Variants in NDRG2 observed in about 807,000 individuals in gnomAD.
NDRG2 encodes protein NDRG2.
Under a neutral mutation model 58.2 loss-of-function variants are expected in NDRG2, and 34 were observed. The ratio of observed to expected loss-of-function variants is 0.58; its 90% CI spans 0.44 to 0.78. The LOEUF (loss-of-function observed/expected upper bound fraction) is 0.78, where lower values mean the gene tolerates loss of function less well. NDRG2 is among the 30% of genes least tolerant of loss of function. The pLI is 0.00. For missense variants in NDRG2, 434 were observed against 471.2 expected (o/e 0.92, Z 0.73); for synonymous variants, 187 against 175.9 (o/e 1.06, Z -0.50).
chr14:21,065,515 GGTGA>G (rs1886216179), intron 1 of NDRG2, among the ~76,000 whole-genome samples: 1 of 152,196 alleles, frequency 6.6e-6, no homozygotes, highest in Admixed American at 6.5e-5. Context: ...GTGGTAGAAA[GGTGA>G]GTCTATTATG....
At chr14:21,021,413 C>T (rs1880223968) in intron 6 of NDRG2, 1 of 315,346 alleles carries the variant, frequency 3.2e-6, no homozygotes, top group East Asian at 8.0e-5. Flanking sequence ...TCTTCCTTCC[C>T]CAACTCTCTC....
At chr14:21,030,253 C>G, upstream of NDRG2, 2 of 268,506 alleles carry the variant, frequency 7.4e-6, no homozygotes, top group Non-Finnish European at 7.2e-6. Flanking sequence ...TATCTGCACA[C>G]ACTTAAATAC....
chr14:21,040,678 C>T (rs1289471522), intron 1 of NDRG2, among the ~76,000 whole-genome samples: 1 of 152,220 alleles, frequency 6.6e-6, no homozygotes, highest in East Asian at 1.9e-4. Context: ...ACTGGACACA[C>T]TGCTGTTCCT....
At position 21,070,859 on chromosome 14, in the gene NDRG2, C is replaced by T. The variant is rs1030684106; in HGVS notation, c.-8G>A. On this transcript the variant is annotated 5_prime_UTR_variant, in exon 1 of 15. Transcript: ENST00000403829. The surrounding 1 kb of genome is among the most constrained non-coding windows in gnomAD (Gnocchi z 4.7). ...GGAACCACCATTTTCCATCCCTGTC[C>T]CCAACCCGGTGAGGCAGGCCCACCC... The T allele has an allele frequency of 1.1e-5, 17 of 1,535,650 alleles. No homozygotes were observed. The highest frequency in any genetic ancestry group is 1.5e-5 in the Non-Finnish European group (17 of 1,146,860).
intron 1 of NDRG2, among the ~76,000 whole-genome samples, chr14:21,061,366 G>C (rs573825770): frequency 1.3e-5 from 2 of 152,168 alleles, no homozygotes; most frequent in South Asian, 2.1e-4. Flanking sequence ...CCAAACAAGT[G>C]GGGGTAGCAA....
upstream of NDRG2, chr14:21,030,427 G>A: frequency 1.3e-6 from 1 of 746,704 alleles, no homozygotes; most frequent in East Asian, 2.7e-5. Flanking sequence ...AGCTGGGAGG[G>A]AGAAAGGAGA....
chr14:21,051,305 G>A (rs1421303380), intron 1 of NDRG2, among the ~76,000 whole-genome samples: 10 of 152,170 alleles, frequency 6.6e-5, no homozygotes, highest in South Asian at 2.1e-4. Flanking sequence ...TAGACATAGA[G>A]CACTTGGAAC....
rs1020794918 is a variant in NDRG2, at chr14:21,045,129, C to T, written c.25-21808G>A. Reference sequence around the variant, plus strand: ...TCTTTGGAAAACACGCAGACCAAGGCAAATACCCCCACTAAGGTCTCCCGA... The same window carrying T: ...TCTTTGGAAAACACGCAGACCAAGGTAAATACCCCCACTAAGGTCTCCCGA... On this transcript the variant is annotated intron_variant, in intron 1 of 14. Transcript: ENST00000403829. Among the ~76,000 whole-genome samples, 7 of 152,148 alleles carry T rather than the reference C, an allele frequency of 4.6e-5. 1 individual carries two copies. The highest frequency in any genetic ancestry group is 4.6e-4 in the Admixed American group (7 of 15,276).
chr14:21,024,219 C>T lies in NDRG2; in HGVS notation c.-196G>A, dbSNP rs1882484299. ...TCAACCTCCTCGGGTCACTAACCCT[C>T]CCCAGTGTCTGTCTACCCCTAAGTC... On this transcript the variant is annotated 5_prime_UTR_variant, in exon 1 of 16. Transcript: ENST00000556147. The T allele has an allele frequency of 2.0e-6, 2 of 985,400 alleles. No homozygotes were observed. Among genetic ancestry groups the T allele is most frequent in the South Asian group, 4.7e-5 (1 of 21,290 alleles). 61.0% of individuals were successfully genotyped at this position (985,400 alleles called of 1,614,324 possible). A position where few individuals can be genotyped will look rare whatever the true frequency, so the allele number is the denominator to read the frequency against.
At chr14:21,031,305 G>C in intron 1 of NDRG2, 2 of 1,185,752 alleles carry the variant, frequency 1.7e-6, no homozygotes, top group Non-Finnish European at 2.3e-6. Context: ...CATTCCAGAA[G>C]TCAGGAAAAT....
At chr14:21,020,005 C>T (rs1043118376) in intron 8 of NDRG2, 29 bp from the exon 9 acceptor site, 48 of 1,607,884 alleles carry the variant, frequency 3.0e-5, no homozygotes, top group African/African-American at 6.7e-5. Context: ...TGAGAAAGTT[C>T]AGGGTATTGG....
At chr14:21,049,824 G>T (rs888751728) in intron 1 of NDRG2, among the ~76,000 whole-genome samples, 1 of 151,274 alleles carries the variant, frequency 6.6e-6, no homozygotes, top group Non-Finnish European at 1.5e-5. Flanking sequence ...GAGTGCAGTG[G>T]CACGATCTCG....
intron 1 of NDRG2, chr14:21,044,352 A>G (rs1885048176): frequency 6.5e-6 from 1 of 152,740 alleles, no homozygotes; most frequent in South Asian, 2.1e-4. Context: ...GGCTCTGGCC[A>G]GATCCCCTTG....
In NDRG2 at chr14:21,024,145, G is replaced by T; in HGVS notation, c.-122C>A. The T allele has an allele frequency of 2.0e-6, 2 of 985,408 alleles. No homozygotes were observed. Among genetic ancestry groups the T allele is most frequent in the Non-Finnish European group, 2.4e-6 (2 of 829,954 alleles). The allele number at this position is 985,408 out of a possible 1,614,324, so 61.0% of individuals were successfully genotyped here. A position where few individuals can be genotyped will look rare whatever the true frequency, so the allele number is the denominator to read the frequency against. ...GAATGACATGGGAGACAGACCTGGG[G>T]TCTTTCAGGGACGGAAAGCCTCAGC... On this transcript the variant is annotated 5_prime_UTR_variant, in exon 1 of 16. Transcript: ENST00000556147.
rs766622576 is a variant in NDRG2, at chr14:21,019,637, A to G, written c.716+2T>C. On this transcript the variant is annotated splice_donor_variant, in intron 10 of 15. Transcript: ENST00000556147. LOFTEE classifies it high-confidence loss of function. Reference sequence around the variant, plus strand: ...ACATGCATACACACACAGCCCACCCACTTGTTGTAGCTGTTCCAGTACAAT... The same window carrying G: ...ACATGCATACACACACAGCCCACCCGCTTGTTGTAGCTGTTCCAGTACAAT... 6.2e-7 allele frequency: 1 copy of G among 1,601,930 alleles called. No homozygotes were observed. The highest frequency in any genetic ancestry group is 1.3e-5 in the African/African-American group (1 of 74,614).
In NDRG2 at chr14:21,023,494, C is replaced by T. The variant is rs554306208; in HGVS notation, c.-6-173G>A. The T allele has an allele frequency of 3.5e-4, 216 of 609,356 alleles. 1 individual carries two copies. Among genetic ancestry groups the T allele is most frequent in the Non-Finnish European group, 5.7e-4 (197 of 344,070 alleles). The allele number at this position is 609,356 out of a possible 1,614,324, so 37.7% of individuals were successfully genotyped here. ...TCCTGCCCCCAGCTCCGTTTCCAGG[C>T]TGATCGGTGGAAGCTTTGGAAGAGG... On this transcript the variant is annotated intron_variant, in intron 1 of 15. Transcript: ENST00000556147.
chr14:21,025,174 A>T, upstream of NDRG2: 1 of 908,950 alleles, frequency 1.1e-6, no homozygotes, highest in South Asian at 5.0e-5. This position sits in a 1 kb window ranked among gnomAD's most constrained non-coding sequence, Gnocchi z 5.1. Context: ...ACCCCCAGTA[A>T]ACACGCCCCC....
Position 21,070,401 on chromosome 14 carries a change from T to A in NDRG2, c.24+427A>T. ...GACGCGGCCCGGCGCCGAGCCATGGTGAGTCCAGCGTCGCAGCCCCCTGGG... is the reference window on the plus strand; with the variant it reads ...GACGCGGCCCGGCGCCGAGCCATGGAGAGTCCAGCGTCGCAGCCCCCTGGG... On this transcript the variant is annotated intron_variant, in intron 1 of 14. Transcript: ENST00000403829. The surrounding 1 kb of genome is among the most constrained non-coding windows in gnomAD (Gnocchi z 4.7). The A allele has an allele frequency of 7.1e-7, 1 of 1,417,350 alleles. No individual in the cohort carries two copies. The highest frequency in any genetic ancestry group is 9.1e-7 in the Non-Finnish European group (1 of 1,094,434). 87.8% of individuals were successfully genotyped at this position (1,417,350 alleles called of 1,614,324 possible).
intron 1 of NDRG2, among the ~76,000 whole-genome samples, chr14:21,066,343 C>T (rs1354010330): frequency 2.0e-5 from 3 of 147,738 alleles, no homozygotes; most frequent in Admixed American, 6.8e-5. Context: ...TTTTTGGAGA[C>T]GGAGTCTCAC....
Sources: allele counts gnomAD v4.1 joint callset (sites outside exome capture counted in the v4.1 genomes callset), GRCh38; gene constraint gnomAD v4.1.1; non-coding constraint Gnocchi (gnomAD v3.1); transcripts MANE v1.5; gene names NCBI Gene and HGNC (gene_info 2026-07-23, HGNC 2026-07-21).